CDC37L1: variants seen among roughly 807,000 people sequenced by gnomAD.
The protein encoded by CDC37L1 is hsp90 co-chaperone Cdc37-like 1.
A neutral mutation model predicts 45.9 loss-of-function variants in CDC37L1; 32 were observed. That is an observed-to-expected ratio of 0.70 (90% CI 0.53 to 0.94). The LOEUF (loss-of-function observed/expected upper bound fraction) is 0.94. Ranked by LOEUF, CDC37L1 falls within the 40% of genes least tolerant of loss-of-function variation. The probability of loss-of-function intolerance (pLI) is 0.00; values close to 1 mark genes in which losing one functional copy is unlikely to be tolerated. For synonymous variants in CDC37L1, 150 were observed against 133.0 expected, an observed-to-expected ratio of 1.13 and a Z score of -0.88; for missense variants, 434 against 405.7, an observed-to-expected ratio of 1.07 and a Z score of -0.60.
chr9:4,692,579 G>T (rs1056939377), intron 3 of CDC37L1, among the ~76,000 whole-genome samples: 7 of 152,038 alleles, frequency 4.6e-5, no homozygotes, highest in Non-Finnish European at 8.8e-5. Context: ...CTTAATTTTG[G>T]TTTTTTAAAA....
intron 3 of CDC37L1, among the ~76,000 whole-genome samples, chr9:4,695,772 C>T (rs1049070367): frequency 9.2e-5 from 14 of 152,280 alleles, no homozygotes; most frequent in Non-Finnish European, 1.6e-4. Context: ...GCTGAGATTA[C>T]AAGCATGTGC....
At chr9:4,690,985 G>C (rs765066060) in intron 3 of CDC37L1, among the ~76,000 whole-genome samples, 1 of 152,224 alleles carries the variant, frequency 6.6e-6, no homozygotes, top group Non-Finnish European at 1.5e-5. Context: ...GGGGAATGAT[G>C]AGATAATAAT....
chr9:4,693,191 C>T (rs1841316922), intron 3 of CDC37L1, among the ~76,000 whole-genome samples: 1 of 151,404 alleles, frequency 6.6e-6, no homozygotes, highest in African/African-American at 2.4e-5. Flanking sequence ...CCTGTAATCC[C>T]AGCACTTTGA....
rs930511943 is a variant in CDC37L1, at chr9:4,683,222, C to G, written c.133-1655C>G. On this transcript the variant is annotated intron_variant, in intron 1 of 6. Coordinates refer to ENST00000381854, the MANE Select transcript of CDC37L1 (RefSeq NM_017913.4). ...CCTGCTGAATGAGTAAATAAAACAT[C>G]TGAATAGCAAGTGTCCACATTTGTC... Among the ~76,000 whole-genome samples the G allele has an allele frequency of 4.6e-5, 7 of 150,786 alleles. No individual in the cohort carries two copies. The East Asian group carries it at 5.8e-4, about 13-fold the overall frequency.
At chr9:4,695,089 T>C (rs1210657834) in intron 3 of CDC37L1, among the ~76,000 whole-genome samples, 5 of 152,202 alleles carry the variant, frequency 3.3e-5, no homozygotes, top group African/African-American at 4.8e-5. Flanking sequence ...TCCAGAAGTG[T>C]AAGAAAGCTA....
intron 6 of CDC37L1, among the ~76,000 whole-genome samples, chr9:4,705,252 G>A (rs1047256891): frequency 2.6e-5 from 4 of 152,062 alleles, no homozygotes; most frequent in Admixed American, 6.6e-5. Flanking sequence ...GCAGATATTC[G>A]GAACAATTGA....
Position 4,706,371 on chromosome 9 carries a change from A to G in CDC37L1, c.*259A>G. On this transcript the variant is annotated 3_prime_UTR_variant, in exon 7 of 7. Transcript: ENST00000381854. ...TTTGTGGCTACTAAATTTGCTTTTA[A>G]TCTTATTGTTCTCAATTTTGGAATC... 3.8e-6 allele frequency: 1 copy of G among 261,542 alleles called. No homozygotes were observed. Among genetic ancestry groups the G allele is most frequent in the African/African-American group, 2.2e-5 (1 of 45,686 alleles). 16.2% of individuals were successfully genotyped at this position (261,542 alleles called of 1,614,324 possible).
chr9:4,701,730 G>GGT (rs1841398363), intron 5 of CDC37L1, 134 bp from the exon 6 acceptor site: 1 of 540,204 alleles, frequency 1.9e-6, no homozygotes, highest in African/African-American at 2.0e-5. Flanking sequence ...CAGGGATCGT[G>GGT]GTGGTTTCTA....
Position 4,688,569 on chromosome 9 carries a change from AT to A in CDC37L1, c.474del (p.Phe158LeufsTer15). ...CAGAAGATGAAGATAAATCAGAATCATTTATGCAAAAATATGAGCAAAAAAT... is the reference window on the plus strand; with the variant it reads ...CAGAAGATGAAGATAAATCAGAATCATTATGCAAAAATATGAGCAAAAAAT... The part of the protein sequence containing the change: ...DTEDEDKSES[F>X]MQKYEQKIRH... On this transcript the variant is annotated frameshift_variant, in exon 3 of 7. Coordinates refer to ENST00000381854, the MANE Select transcript of CDC37L1 (RefSeq NM_017913.4). LOFTEE classifies it high-confidence loss of function. The A allele has an allele frequency of 2.0e-6, 3 of 1,526,292 alleles. No individual in the cohort carries two copies. The highest frequency in any genetic ancestry group is 2.6e-6 in the Non-Finnish European group (3 of 1,133,544). The allele number at this position is 1,526,292 out of a possible 1,614,324, so 94.5% of individuals were successfully genotyped here.
intron 5 of CDC37L1, among the ~76,000 whole-genome samples, chr9:4,699,287 A>C (rs985682499): frequency 6.6e-6 from 1 of 152,224 alleles, no homozygotes. Context: ...GAGCATCGAC[A>C]TGACACTCAA....
At chr9:4,687,272 A>G (rs1295171906) in intron 2 of CDC37L1, among the ~76,000 whole-genome samples, 3 of 152,300 alleles carry the variant, frequency 2.0e-5, no homozygotes. Context: ...TACAAACTTT[A>G]TTCTTGGTAT....
intron 3 of CDC37L1, among the ~76,000 whole-genome samples, chr9:4,689,552 G>C (rs1440973966): frequency 6.6e-6 from 1 of 150,960 alleles, no homozygotes; most frequent in Admixed American, 6.6e-5. Flanking sequence ...TATTCACTTT[G>C]CTCATACTTT....
At chr9:4,701,596 T>C (rs1563772767) in intron 5 of CDC37L1, among the ~76,000 whole-genome samples, 2 of 152,172 alleles carry the variant, frequency 1.3e-5, no homozygotes, top group African/African-American at 2.4e-5. Flanking sequence ...CTTCTTTTCT[T>C]TTAGTTGTGT....
chr9:4,700,097 C>CT (rs1322803267), intron 5 of CDC37L1, among the ~76,000 whole-genome samples: 1 of 152,128 alleles, frequency 6.6e-6, no homozygotes, highest in Non-Finnish European at 1.5e-5. Flanking sequence ...AACAGTTGAA[C>CT]TTTAATAGCA....
intron 3 of CDC37L1, among the ~76,000 whole-genome samples, chr9:4,692,545 C>A (rs1841311401): frequency 6.6e-6 from 1 of 152,174 alleles, no homozygotes; most frequent in African/African-American, 2.4e-5. Context: ...GCTGGGATTA[C>A]AGGCGTGAGC....
intron 2 of CDC37L1, among the ~76,000 whole-genome samples, chr9:4,686,220 T>C (rs1841245562): frequency 6.6e-6 from 1 of 152,172 alleles, no homozygotes. Flanking sequence ...TCATGAACTT[T>C]TTTAATTGCC....
Position 4,689,666 on chromosome 9 carries a change from T to C in CDC37L1, c.508+1060T>C, listed in dbSNP as rs550451446. 7.2e-5 allele frequency among the ~76,000 whole-genome samples: 11 copies of C among 152,224 alleles called. No homozygotes were observed. The East Asian group carries it at 1.9e-3, about 27-fold the overall frequency. ...ATAATCAATGTGGTATTATTTATAA[T>C]GGAAAAAAAATGAATACACAGGCCT... On this transcript the variant is annotated intron_variant, in intron 3 of 6. Transcript: ENST00000381854.
chr9:4,681,493 A>T (rs1164008683), intron 1 of CDC37L1, among the ~76,000 whole-genome samples: 2 of 152,084 alleles, frequency 1.3e-5, no homozygotes, highest in Admixed American at 6.5e-5. Flanking sequence ...AAAAATACAA[A>T]ATCAGCCTGG....
At chr9:4,688,953 T>C (rs1401618557) in intron 3 of CDC37L1, among the ~76,000 whole-genome samples, 1 of 152,188 alleles carries the variant, frequency 6.6e-6, no homozygotes, top group Non-Finnish European at 1.5e-5. Flanking sequence ...ATCTTATGTT[T>C]TAAAGATTAT....
Sources: gnomAD v4.1 joint callset for allele counts (sites outside exome capture counted in the v4.1 genomes callset) on GRCh38, gnomAD v4.1.1 for gene constraint, MANE v1.5 for transcripts, NCBI Gene and HGNC (gene_info 2026-07-23, HGNC 2026-07-21) for gene names.